FAM13C: variants seen among roughly 807,000 people sequenced by gnomAD.
FAM13C encodes the protein family with sequence similarity 13 member C, also known as protein FAM13C.
A neutral mutation model predicts 73.2 loss-of-function variants in FAM13C; 37 were observed. That is an observed-to-expected ratio of 0.51 (90% confidence interval 0.39 to 0.67). The LOEUF is 0.67. FAM13C is among the 30% of genes least tolerant of loss of function. The pLI is 0.00. For synonymous variants in FAM13C, 246 were observed against 260.9 expected (o/e 0.94, Z 0.55); for missense variants, 589 against 715.6 (o/e 0.82, Z 2.02).
At chr10:59,293,681 T>C (rs959113470) in intron 5 of FAM13C, among the ~76,000 whole-genome samples, 1 of 152,116 alleles carries the variant, frequency 6.6e-6, no homozygotes, top group African/African-American at 2.4e-5. Context: ...GCCAAAAATG[T>C]CCTAAAAAAG....
At chr10:59,285,570 T>C (rs907848013) in intron 5 of FAM13C, among the ~76,000 whole-genome samples, 11 of 152,190 alleles carry the variant, frequency 7.2e-5, no homozygotes, top group Non-Finnish European at 1.6e-4. Flanking sequence ...AATTACCATA[T>C]AATCCAGCAA....
upstream of FAM13C, chr10:59,362,899 A>C: frequency 5.3e-6 from 1 of 189,466 alleles, no homozygotes; most frequent in Non-Finnish European, 1.1e-5. Flanking sequence ...TCTCCTACCA[A>C]TTTTACAGAG....
At chr10:59,313,097 C>T (rs1589567288) in intron 4 of FAM13C, among the ~76,000 whole-genome samples, 1 of 152,248 alleles carries the variant, frequency 6.6e-6, no homozygotes, top group South Asian at 2.1e-4. Flanking sequence ...TCCCTGAAGT[C>T]AAAACTTGAG....
chr10:59,295,999 C>T (rs1357889039), intron 5 of FAM13C, among the ~76,000 whole-genome samples: 1 of 152,206 alleles, frequency 6.6e-6, no homozygotes, highest in Non-Finnish European at 1.5e-5. Context: ...CACCCTCACT[C>T]AATCCCAAAC....
Position 59,247,250 on chromosome 10 carries a change from A to G in FAM13C, c.*364T>C. ...TTTAAAATCATGCTCTTTTCCATACATCAACATAAACAGTCTTTGGATACT... is the reference window on the plus strand; with the variant it reads ...TTTAAAATCATGCTCTTTTCCATACGTCAACATAAACAGTCTTTGGATACT... On this transcript the variant is annotated 3_prime_UTR_variant, in exon 14 of 14. Transcript: ENST00000618804. 1 of 178,458 alleles carries G rather than the reference A, an allele frequency of 5.6e-6. No individual in the cohort carries two copies. The highest frequency in any genetic ancestry group is 1.2e-5 in the Non-Finnish European group (1 of 86,444). The allele number at this position is 178,458 out of a possible 1,614,324, so 11.1% of individuals were successfully genotyped here.
At position 59,251,679 on chromosome 10, in the gene FAM13C, A is replaced by G. The variant is rs1841391577; in HGVS notation, c.1533-3T>C. 2 of 1,596,214 alleles carry G rather than the reference A, an allele frequency of 1.3e-6. No homozygotes were observed. Among genetic ancestry groups the G allele is most frequent in the African/African-American group, 1.4e-5 (1 of 73,506 alleles). On this transcript the variant is annotated splice_region_variant and splice_polypyrimidine_tract_variant and intron_variant, in intron 12 of 13. Transcript: ENST00000618804. The stretch of plus-strand genomic sequence containing the variant: ...GGAGATGGTCAAGAAGTACAGGCCT[A>G]TATAAGGTAAAATACTTGTCATTAC...
rs770090345 is a variant in FAM13C at position 59,352,360 on chromosome 10, G to A, written c.234C>T (p.Ser78=). 3.7e-6 allele frequency: 6 copies of A among 1,614,180 alleles called. No individual in the cohort carries two copies. Among genetic ancestry groups the A allele is most frequent in the Middle Eastern group, 1.7e-4 (1 of 6,060 alleles). ...QNVEATVLVD[S]VLRPSMGNFK... ...AGTTGCCCATGCTGGGTCGCAATAC[G>A]CTGTCCACCAGCACGGTCGCCTCTA... The change falls in exon 3 of 14, where the codon AGC becomes AGT. Residue 78 remains serine, a synonymous_variant. Coordinates refer to ENST00000618804, the MANE Select transcript of FAM13C (RefSeq NM_198215.4).
intron 13 of FAM13C, among the ~76,000 whole-genome samples, chr10:59,249,555 C>G (rs1408945602): frequency 1.3e-5 from 2 of 151,904 alleles, no homozygotes; most frequent in East Asian, 3.9e-4. Context: ...AATGTAATAT[C>G]TGCATGATTC....
At chr10:59,279,566 A>G (rs1366534412) in intron 6 of FAM13C, among the ~76,000 whole-genome samples, 2 of 152,312 alleles carry the variant, frequency 1.3e-5, no homozygotes, top group East Asian at 1.9e-4. Context: ...CAAACCATCA[A>G]TCATCCTTGG....
chr10:59,317,147 T>C (rs1400621965), intron 4 of FAM13C, among the ~76,000 whole-genome samples: 6 of 151,830 alleles, frequency 4.0e-5, no homozygotes, highest in Non-Finnish European at 8.8e-5. Context: ...TGTGTGTGTG[T>C]GTGTGTGTAG....
At chr10:59,308,474 C>T (rs1180898501) in intron 4 of FAM13C, among the ~76,000 whole-genome samples, 1 of 151,578 alleles carries the variant, frequency 6.6e-6, no homozygotes, top group Non-Finnish European at 1.5e-5. Context: ...ACCATCACTA[C>T]CACCACTGCC....
chr10:59,312,669 C>G (rs1367909684), intron 4 of FAM13C, among the ~76,000 whole-genome samples: 1 of 152,194 alleles, frequency 6.6e-6, no homozygotes, highest in South Asian at 2.1e-4. Flanking sequence ...TCATCTGGTA[C>G]ATTCTCTCTG....
chr10:59,260,572 AACTAT>A (rs1205156251), intron 10 of FAM13C, among the ~76,000 whole-genome samples: 2 of 152,148 alleles, frequency 1.3e-5, no homozygotes, highest in Admixed American at 6.6e-5. Context: ...CTAAAGTAGA[AACTAT>A]ACCCATATTT....
At chr10:59,302,070 CT>C (rs1847671612) in intron 5 of FAM13C, among the ~76,000 whole-genome samples, 3 of 152,154 alleles carry the variant, frequency 2.0e-5, no homozygotes, top group Non-Finnish European at 4.4e-5. Flanking sequence ...ATCATCAGGT[CT>C]TTTCATTCTC....
chr10:59,310,045 A>C (rs1445765763), intron 4 of FAM13C, among the ~76,000 whole-genome samples: 1 of 152,230 alleles, frequency 6.6e-6, no homozygotes, highest in Non-Finnish European at 1.5e-5. Flanking sequence ...ATTAATTAGT[A>C]GCTTTTGAAC....
At position 59,262,424 on chromosome 10, in the gene FAM13C, G is replaced by A; in HGVS notation, c.1236+10C>T. On this transcript the variant is annotated intron_variant, in intron 10 of 13. Coordinates refer to ENST00000618804, the MANE Select transcript of FAM13C (RefSeq NM_198215.4). ...AGGGGCCCTCTATATAACAAGACAT[G>A]GTGATGTACCTTAGAATCCTCCTGG... The A allele has an allele frequency of 1.2e-6, 2 of 1,611,980 alleles. No individual in the cohort carries two copies. Among genetic ancestry groups the A allele is most frequent in the Non-Finnish European group, 1.7e-6 (2 of 1,178,388 alleles).
chr10:59,306,559 A>G lies in FAM13C; in HGVS notation c.444-3695T>C, dbSNP rs116077160. 2.6e-3 allele frequency among the ~76,000 whole-genome samples: 397 copies of G among 152,234 alleles called. 2 individuals carry two copies. The highest frequency in any genetic ancestry group is 9.0e-3 in the African/African-American group (374 of 41,552). On this transcript the variant is annotated intron_variant, in intron 4 of 13. Coordinates refer to ENST00000618804, the MANE Select transcript of FAM13C (RefSeq NM_198215.4). ...AAGCCACTTCAGCAAATCAAGCATC[A>G]GGGCAAAAGGGTTGACGTTAGAATG...
At chr10:59,256,139 G>GA (rs542097950) in intron 10 of FAM13C, among the ~76,000 whole-genome samples, 523 of 151,400 alleles carry the variant, frequency 3.5e-3, no homozygotes, top group Non-Finnish European at 3.1e-3. Flanking sequence ...ATCTTTCCAT[G>GA]AAAAAAAACC....
rs1165688459 is a variant in FAM13C, at chr10:59,333,654, T to A, written c.325-9548A>T. Among the ~76,000 whole-genome samples, 3 of 152,384 alleles carry A rather than the reference T, an allele frequency of 2.0e-5. No homozygotes were observed. The East Asian group carries it at 5.8e-4, about 29-fold the overall frequency. Reference sequence around the variant, plus strand: ...GTTATTTTCTGAAATTATTAAAGTATGTCTGTTATTCTTTGCTTTCAAATA... The same window carrying A: ...GTTATTTTCTGAAATTATTAAAGTAAGTCTGTTATTCTTTGCTTTCAAATA... On this transcript the variant is annotated intron_variant, in intron 3 of 13. Transcript: ENST00000618804.
Sources: gnomAD v4.1 joint callset for allele counts (sites outside exome capture counted in the v4.1 genomes callset) on GRCh38, gnomAD v4.1.1 for gene constraint, MANE v1.5 for transcripts, NCBI Gene and HGNC (gene_info 2026-07-23, HGNC 2026-07-21) for gene names.